ITGAV: variants seen among roughly 807,000 people sequenced by gnomAD.
The protein encoded by ITGAV is integrin alpha-V.
In ITGAV, 76 loss-of-function variants were observed where a neutral mutation model predicts 143.8. The observed-to-expected ratio is 0.53, with a 90% CI of 0.44 to 0.64. ITGAV has a LOEUF of 0.64. ITGAV is among the 30% of genes least tolerant of loss of function. The probability of loss-of-function intolerance (pLI) is 0.00; values close to 1 mark genes in which losing one functional copy is unlikely to be tolerated. For missense variants in ITGAV, 1,193 were observed against 1,274.7 expected (o/e 0.94, Z 0.98); for synonymous variants, 453 against 446.7 (o/e 1.01, Z -0.18).
chr2:186,621,082 G>T (rs1687506993), intron 2 of ITGAV, among the ~76,000 whole-genome samples: 1 of 152,070 alleles, frequency 6.6e-6, no homozygotes, highest in South Asian at 2.1e-4. Flanking sequence ...GTTTTGGTTT[G>T]TTTTGTAATG....
chr2:186,627,609 C>T (rs532910184), intron 4 of ITGAV, among the ~76,000 whole-genome samples: 6 of 152,124 alleles, frequency 3.9e-5, no homozygotes, highest in Non-Finnish European at 8.8e-5. Flanking sequence ...CAAATCAGGT[C>T]AATGAACTGT....
In ITGAV at chr2:186,636,130, C is replaced by T. The variant is rs1471160163; in HGVS notation, c.680C>T (p.Pro227Leu). Residue 227 changes from proline (P) to leucine (L), a missense_variant, in exon 7 of 30, where the codon CCC becomes CTC. Coordinates refer to ENST00000261023, the MANE Select transcript of ITGAV (RefSeq NM_002210.5). The stretch of plus-strand genomic sequence containing the variant: ...GCAGAAATCGTATCTAAATACGACC[C>T]CAATGTTTACAGCATCAAGTATAAT... ...QVAEIVSKYD[P>L]NVYSIKYNNQ... The T allele has an allele frequency of 4.3e-6, 7 of 1,612,872 alleles. No homozygotes were observed. Among genetic ancestry groups the T allele is most frequent in the African/African-American group, 1.3e-5 (1 of 74,814 alleles).
At chr2:186,642,930 A>G (rs1391450517) in intron 12 of ITGAV, among the ~76,000 whole-genome samples, 1 of 152,182 alleles carries the variant, frequency 6.6e-6, no homozygotes, top group Non-Finnish European at 1.5e-5. Context: ...ACTTAGCATA[A>G]ATCAAATGGA....
At chr2:186,616,003 A>AT (rs911905789) in intron 2 of ITGAV, among the ~76,000 whole-genome samples, 4 of 151,256 alleles carry the variant, frequency 2.6e-5, no homozygotes, top group South Asian at 2.1e-4. Context: ...GTTCCAAATT[A>AT]TTTTTTTTGC....
At chr2:186,631,373 G>A (rs970527201) in intron 5 of ITGAV, among the ~76,000 whole-genome samples, 1 of 152,036 alleles carries the variant, frequency 6.6e-6, no homozygotes, top group Non-Finnish European at 1.5e-5. Context: ...AGGGCTCTAT[G>A]TATTTTTAAC....
At chr2:186,674,709 ACCATGTTGG>A (rs1689160930) in intron 26 of ITGAV, among the ~76,000 whole-genome samples, 1 of 151,626 alleles carries the variant, frequency 6.6e-6, no homozygotes, top group Non-Finnish European at 1.5e-5. Flanking sequence ...ATGGCATTTC[ACCATGTTGG>A]CCAGGCTGGT....
chr2:186,634,844 GA>G (rs1246139597), intron 6 of ITGAV, among the ~76,000 whole-genome samples: 1 of 152,064 alleles, frequency 6.6e-6, no homozygotes, highest in East Asian at 1.9e-4. Context: ...CTTTATTGCT[GA>G]TTATGTCATT....
rs535447466 is a variant in ITGAV, at chr2:186,652,349, C to A, written c.1505+260C>A. Among the ~76,000 whole-genome samples the A allele has an allele frequency of 1.3e-5, 2 of 152,174 alleles. 1 individual carries two copies. The highest frequency in any genetic ancestry group is 4.2e-4 in the South Asian group (2 of 4,810). On this transcript the variant is annotated intron_variant, in intron 15 of 29. Coordinates refer to ENST00000261023, the MANE Select transcript of ITGAV (RefSeq NM_002210.5). The stretch of plus-strand genomic sequence containing the variant: ...GGACTACAGGTGTGTGGCACCATAC[C>A]CAGCTAATTTTTTAAATTTTTTTAG...
chr2:186,650,987 G>A (rs113959734), intron 14 of ITGAV, among the ~76,000 whole-genome samples: 2 of 152,158 alleles, frequency 1.3e-5, no homozygotes, highest in African/African-American at 4.8e-5. Flanking sequence ...CTGACCACAA[G>A]GTCAGTATGT....
At chr2:186,616,126 T>C (rs1687350177) in intron 2 of ITGAV, among the ~76,000 whole-genome samples, 2 of 152,104 alleles carry the variant, frequency 1.3e-5, no homozygotes, top group Admixed American at 1.3e-4. Context: ...ACAGGTGCCT[T>C]TGATGTTAAA....
At chr2:186,596,118 T>G (rs979757355) in intron 1 of ITGAV, among the ~76,000 whole-genome samples, 20 of 152,328 alleles carry the variant, frequency 1.3e-4, no homozygotes, top group Non-Finnish European at 2.5e-4. Context: ...TTTCGTGGTG[T>G]TTCAGATTTT....
At chr2:186,601,249 A>T (rs1033996028) in intron 1 of ITGAV, among the ~76,000 whole-genome samples, 3 of 151,614 alleles carry the variant, frequency 2.0e-5, no homozygotes, top group South Asian at 2.1e-4. Context: ...GTCAACTATT[A>T]AAAAAAATTA....
chr2:186,600,959 C>CAA (rs556490103), intron 1 of ITGAV, among the ~76,000 whole-genome samples: 1,384 of 93,040 alleles, frequency 0.015, 29 homozygotes, highest in African/African-American at 0.05. Flanking sequence ...GACTCTGTCT[C>CAA]AAAAAAAAAA....
At position 186,679,770 on chromosome 2, in the gene ITGAV, A is replaced by G. The variant is rs2105759945; in HGVS notation, c.*2478A>G. On this transcript the variant is annotated 3_prime_UTR_variant, in exon 30 of 30. Transcript: ENST00000261023. ...ATTTTGAGAAAAATACATGTGAGTC[A>G]TTTTTTCTGTTTCTCTTTTCTCTTA... is the stretch of plus-strand genomic sequence containing the variant. 6.6e-6 allele frequency: 1 copy of G among 152,082 alleles called. No individual in the cohort carries two copies. The highest frequency in any genetic ancestry group is 1.5e-5 in the Non-Finnish European group (1 of 67,882). The allele number at this position is 152,082 out of a possible 1,614,324, so 9.4% of individuals were successfully genotyped here. A position where few individuals can be genotyped will look rare whatever the true frequency, so the allele number is the denominator to read the frequency against.
intron 11 of ITGAV, 136 bp from the exon 12 acceptor site, chr2:186,641,250 C>A: frequency 1.5e-6 from 1 of 663,448 alleles, no homozygotes; most frequent in Non-Finnish European, 2.6e-6. Context: ...GAAATGAGTG[C>A]TCTGGTAATC....
chr2:186,653,465 A>G (rs1410317539), intron 15 of ITGAV, among the ~76,000 whole-genome samples: 3 of 152,186 alleles, frequency 2.0e-5, no homozygotes, highest in Non-Finnish European at 4.4e-5. Flanking sequence ...ATTGGTGCCT[A>G]AAAAAGTTTT....
intron 18 of ITGAV, chr2:186,660,600 A>G (rs982587954): frequency 1.3e-5 from 2 of 152,174 alleles, no homozygotes; most frequent in South Asian, 4.1e-4. Context: ...TAGAAATACA[A>G]AGTTTTAATT....
chr2:186,670,949 T>C (rs1689045457), intron 26 of ITGAV, among the ~76,000 whole-genome samples: 2 of 152,222 alleles, frequency 1.3e-5, no homozygotes, highest in East Asian at 3.9e-4. Context: ...CTTCATTCTC[T>C]AACACCTGGA....
rs547283032 is a variant in ITGAV at position 186,592,046 on chromosome 2, G to A, written c.185+1523G>A. ...TTCAAGTGTATACCTTCATGAGACA[G>A]AACATTTTAGTTGCTCCCAAGGGTT... On this transcript the variant is annotated intron_variant, in intron 1 of 29. Transcript: ENST00000261023. Among the ~76,000 whole-genome samples, 22 of 152,302 alleles carry A rather than the reference G, an allele frequency of 1.4e-4. No homozygotes were observed. The South Asian group carries it at 4.6e-3, about 32-fold the overall frequency.
Sources: gnomAD v4.1 joint callset for allele counts (sites outside exome capture counted in the v4.1 genomes callset) on GRCh38, gnomAD v4.1.1 for gene constraint, MANE v1.5 for transcripts, NCBI Gene and HGNC (gene_info 2026-07-23, HGNC 2026-07-21) for gene names.